The following CNTN5 variants were observed in gnomAD, a reference collection of about 807,000 sequenced individuals.
CNTN5 encodes the protein contactin-5.
CNTN5 carries 77 observed loss-of-function variants against 129.1 expected under a neutral mutation model. That is an observed-to-expected ratio of 0.60 (90% CI 0.50 to 0.72). The LOEUF (loss-of-function observed/expected upper bound fraction) is 0.72. CNTN5 is among the 30% of genes least tolerant of loss of function. The pLI is 0.00. For missense variants in CNTN5, 1,478 were observed against 1,328.8 expected (o/e 1.11, Z -1.75); for synonymous variants, 509 against 465.6 (o/e 1.09, Z -1.20).
At chr11:100,201,084 T>G (rs778866797) in intron 15 of CNTN5, among the ~76,000 whole-genome samples, 6 of 151,992 alleles carry the variant, frequency 3.9e-5, no homozygotes, top group Non-Finnish European at 1.5e-5. Context: ...CAGTGGGTTG[T>G]TGCATTCACT....
intron 3 of CNTN5, among the ~76,000 whole-genome samples, chr11:99,666,381 G>T (rs550778734): frequency 3.9e-5 from 6 of 152,290 alleles, no homozygotes; most frequent in Admixed American, 3.3e-4. Context: ...TTTTTAGCTG[G>T]AGAGTAGGCT....
intron 13 of CNTN5, among the ~76,000 whole-genome samples, chr11:100,119,209 C>T (rs192290826): frequency 9.5e-4 from 144 of 151,938 alleles, no homozygotes; most frequent in African/African-American, 3.1e-3. Context: ...CATAAACACA[C>T]GATTGCTGTA....
chr11:99,186,087 A>G (rs1858339306), intron 1 of CNTN5, among the ~76,000 whole-genome samples: 1 of 151,892 alleles, frequency 6.6e-6, no homozygotes, highest in Admixed American at 6.6e-5. Context: ...CAGATGGGAG[A>G]AAATAGAAAT....
At chr11:99,575,046 AAC>A (rs1949299890) in intron 3 of CNTN5, among the ~76,000 whole-genome samples, 1 of 152,196 alleles carries the variant, frequency 6.6e-6, no homozygotes, top group South Asian at 2.1e-4. Flanking sequence ...CCTTCTCTGT[AAC>A]AAAATGGGTT....
chr11:99,823,083 A>G (rs1429323492), intron 4 of CNTN5, among the ~76,000 whole-genome samples: 2 of 152,204 alleles, frequency 1.3e-5, no homozygotes, highest in Non-Finnish European at 2.9e-5. Context: ...TTACACGTGT[A>G]TCCGTACCTA....
At chr11:99,378,252 A>G (rs1940309761) in intron 2 of CNTN5, among the ~76,000 whole-genome samples, 1 of 151,968 alleles carries the variant, frequency 6.6e-6, no homozygotes, top group Non-Finnish European at 1.5e-5. Context: ...TTGTTAACTC[A>G]TTTCTATTTT....
rs116809859 is a variant in CNTN5 at position 99,997,495 on chromosome 11, C to A, written c.878-4539C>A. Among the ~76,000 whole-genome samples the A allele has an allele frequency of 4.0e-3, 607 of 152,240 alleles. 2 individuals carry two copies. Among genetic ancestry groups the A allele is most frequent in the African/African-American group, 0.014 (565 of 41,546 alleles). Reference sequence around the variant, plus strand: ...CTGAATAGACCAACAACAGGAGCTGCAATTGTGGCAATAATCAATAGCTTG... The same window carrying A: ...CTGAATAGACCAACAACAGGAGCTGAAATTGTGGCAATAATCAATAGCTTG... On this transcript the variant is annotated intron_variant, in intron 8 of 24. Transcript: ENST00000524871.
intron 3 of CNTN5, among the ~76,000 whole-genome samples, chr11:99,717,709 G>A (rs1046360185): frequency 1.3e-5 from 2 of 151,968 alleles, no homozygotes; most frequent in African/African-American, 4.8e-5. Context: ...ATAGCAAGAT[G>A]ATAGAAAAAT....
At chr11:99,209,013 T>C (rs925480856) in intron 1 of CNTN5, among the ~76,000 whole-genome samples, 4 of 152,144 alleles carry the variant, frequency 2.6e-5, no homozygotes, top group Non-Finnish European at 5.9e-5. Flanking sequence ...ATTTTAATAA[T>C]GTTGCAAATA....
chr11:99,696,155 C>A (rs1313974025), intron 3 of CNTN5, among the ~76,000 whole-genome samples: 1 of 151,960 alleles, frequency 6.6e-6, no homozygotes, highest in Non-Finnish European at 1.5e-5. Context: ...TTTCTTTATA[C>A]CTGTATATCA....
intron 1 of CNTN5, among the ~76,000 whole-genome samples, chr11:99,203,447 T>G (rs11218799): frequency 0.23 from 34,482 of 152,156 alleles, 4,550 homozygotes; most frequent in East Asian, 0.45. Flanking sequence ...ACTTGTATTT[T>G]ACATTTGTAT....
intron 2 of CNTN5, among the ~76,000 whole-genome samples, chr11:99,336,800 C>A (rs921740107): frequency 9.2e-5 from 14 of 151,528 alleles, no homozygotes; most frequent in Non-Finnish European, 1.6e-4. Flanking sequence ...TGCACTCCAG[C>A]CTGGGTGACA....
At chr11:99,527,788 A>G (rs1420029135) in intron 2 of CNTN5, among the ~76,000 whole-genome samples, 1 of 152,196 alleles carries the variant, frequency 6.6e-6, no homozygotes, top group East Asian at 1.9e-4. Flanking sequence ...TCACGAAGGC[A>G]TAAGGCAAAG....
At position 99,284,139 on chromosome 11, in the gene CNTN5, G is replaced by C. The variant is rs573357436; in HGVS notation, c.-209-41207G>C. 3.3e-5 allele frequency among the ~76,000 whole-genome samples: 5 copies of C among 152,150 alleles called. No individual in the cohort carries two copies. In the South Asian group the frequency reaches 8.3e-4, roughly 25 times the overall value. On this transcript the variant is annotated intron_variant, in intron 1 of 24. Coordinates refer to ENST00000524871, the MANE Select transcript of CNTN5 (RefSeq NM_014361.4). The stretch of plus-strand genomic sequence containing the variant: ...AATAATCTCCTAGGCTTTGTCAGTG[G>C]AGTGCTTAACACCAGGCTAGTCTCA...
chr11:99,271,942 A>G (rs952056231), intron 1 of CNTN5, among the ~76,000 whole-genome samples: 3 of 151,936 alleles, frequency 2.0e-5, no homozygotes, highest in African/African-American at 7.2e-5. Context: ...GAAGTTACTA[A>G]GAAATGCACC....
chr11:99,810,968 TATGCTCTCAAGAGCATCACAC>T (rs1214701906), intron 3 of CNTN5, among the ~76,000 whole-genome samples: 1 of 152,144 alleles, frequency 6.6e-6, no homozygotes, highest in African/African-American at 2.4e-5. Flanking sequence ...TCAAGAATAT[TATGCTCTCAAGAGCATCACAC>T]ATCATTTGGT....
intron 2 of CNTN5, among the ~76,000 whole-genome samples, chr11:99,391,797 A>G (rs796917853): frequency 2.0e-5 from 3 of 151,938 alleles, no homozygotes; most frequent in African/African-American, 7.2e-5. Flanking sequence ...ATTTTTGTAT[A>G]AATTTTTGTT....
intron 18 of CNTN5, among the ~76,000 whole-genome samples, chr11:100,296,209 G>A (rs1951096610): frequency 1.3e-5 from 2 of 151,552 alleles, no homozygotes; most frequent in South Asian, 4.1e-4. Context: ...TTCAGACATG[G>A]TTATAAGGCA....
chr11:100,188,003 T>C (rs920371952), intron 13 of CNTN5, among the ~76,000 whole-genome samples: 1 of 152,136 alleles, frequency 6.6e-6, no homozygotes, highest in Non-Finnish European at 1.5e-5. Flanking sequence ...GTAAATACCC[T>C]GCAGAATGGG....
Sources: gnomAD v4.1 joint callset for allele counts (sites outside exome capture counted in the v4.1 genomes callset) on GRCh38, gnomAD v4.1.1 for gene constraint, MANE v1.5 for transcripts, NCBI Gene and HGNC (gene_info 2026-07-23, HGNC 2026-07-21) for gene names.